Variants in SGK3 observed in about 807,000 individuals in gnomAD.
SGK3 encodes serum/glucocorticoid regulated kinase family member 3.
A neutral mutation model predicts 68.5 loss-of-function variants in SGK3; 47 were observed. That is an observed-to-expected ratio of 0.69 (90% CI 0.54 to 0.87). The LOEUF is 0.87. Ranked by LOEUF, SGK3 falls within the 40% of genes least tolerant of loss-of-function variation. The pLI is 0.00. For synonymous variants in SGK3, 181 were observed against 189.1 expected (o/e 0.96, Z 0.35); for missense variants, 479 against 575.5 (o/e 0.83, Z 1.72).
chr8:66,777,747 G>C (rs1413262307), intron 1 of SGK3, among the ~76,000 whole-genome samples: 1 of 152,070 alleles, frequency 6.6e-6, no homozygotes, highest in African/African-American at 2.4e-5. Context: ...CTGACATTCA[G>C]AATTCCCTAC....
At chr8:66,781,413 A>G (rs913868334) in intron 1 of SGK3, among the ~76,000 whole-genome samples, 1 of 152,148 alleles carries the variant, frequency 6.6e-6, no homozygotes, top group Non-Finnish European at 1.5e-5. Context: ...CATTGGTGCA[A>G]TCATAGCTCA....
Position 66,729,178 on chromosome 8 carries a change from C to T in SGK3, c.-122+16345C>T, listed in dbSNP as rs1489441249. Among the ~76,000 whole-genome samples the T allele has an allele frequency of 4.1e-5, 6 of 147,152 alleles. No individual in the cohort carries two copies. In the East Asian group the frequency reaches 8.0e-4, roughly 20 times the overall value. ...AGCTTGCAGTGAGCCGAGATCGCGC[C>T]TCTGCACTCCTCTCACGCCTGTAAT... On this transcript the variant is annotated intron_variant, in intron 1 of 16. Transcript: ENST00000521198.
At chr8:66,717,228 C>CA (rs201545769) in intron 1 of SGK3, among the ~76,000 whole-genome samples, 2,289 of 109,966 alleles carry the variant, frequency 0.021, 80 homozygotes, top group African/African-American at 0.068. Context: ...ACAAAAAAAA[C>CA]AAAAAAAACA....
At chr8:66,764,754 T>G (rs1806268126) in intron 1 of SGK3, among the ~76,000 whole-genome samples, 1 of 152,174 alleles carries the variant, frequency 6.6e-6, no homozygotes, top group African/African-American at 2.4e-5. Context: ...TGGAGCTAAG[T>G]GTCTGTAACA....
chr8:66,746,587 T>A (rs1805661385), intron 1 of SGK3, among the ~76,000 whole-genome samples: 1 of 151,930 alleles, frequency 6.6e-6, no homozygotes, highest in South Asian at 2.1e-4. Flanking sequence ...AAAATCTCAT[T>A]CTGTCACCCA....
At chr8:66,809,052 A>G (rs1182580943) in intron 4 of SGK3, among the ~76,000 whole-genome samples, 4 of 151,538 alleles carry the variant, frequency 2.6e-5, no homozygotes, top group Admixed American at 2.6e-4. Context: ...TATTTTTAGT[A>G]GAGACAGGGT....
intron 10 of SGK3, among the ~76,000 whole-genome samples, chr8:66,837,384 T>C (rs1809580161): frequency 6.6e-6 from 1 of 152,182 alleles, no homozygotes; most frequent in Non-Finnish European, 1.5e-5. Flanking sequence ...TAAGGAAAAT[T>C]AGTTAATATT....
At position 66,784,589 on chromosome 8, in the gene SGK3, T is replaced by C. The variant is rs543797377; in HGVS notation, c.-121-9027T>C. Reference sequence around the variant, plus strand: ...CAGAAGAATCTTTTGACTTTTTTTATATAAAAAAATTTTTTTTGACTGCCC... The same window carrying C: ...CAGAAGAATCTTTTGACTTTTTTTACATAAAAAAATTTTTTTTGACTGCCC... On this transcript the variant is annotated intron_variant, in intron 1 of 16. Transcript: ENST00000521198. 2.0e-5 allele frequency among the ~76,000 whole-genome samples: 3 copies of C among 152,252 alleles called. No homozygotes were observed. The South Asian group carries it at 6.2e-4, about 32-fold the overall frequency.
intron 10 of SGK3, among the ~76,000 whole-genome samples, chr8:66,838,107 C>T (rs996231760): frequency 3.9e-5 from 6 of 152,168 alleles, no homozygotes; most frequent in Admixed American, 3.9e-4. Flanking sequence ...CTCTCTGTCA[C>T]CAGGCTGGAG....
chr8:66,720,256 C>T (rs556067838), intron 1 of SGK3, among the ~76,000 whole-genome samples: 5 of 152,188 alleles, frequency 3.3e-5, no homozygotes, highest in Non-Finnish European at 5.9e-5. Context: ...AGGATGTTCA[C>T]ATGTAATTGA....
chr8:66,723,127 A>ATTT (rs1563595366), intron 1 of SGK3, among the ~76,000 whole-genome samples: 19 of 49,388 alleles, frequency 3.8e-4, no homozygotes, highest in Non-Finnish European at 4.9e-4. Flanking sequence ...ATATATATAT[A>ATTT]TATATTTTTT....
At chr8:66,842,417 T>C (rs970829749) in intron 13 of SGK3, among the ~76,000 whole-genome samples, 1 of 152,150 alleles carries the variant, frequency 6.6e-6, no homozygotes, top group Non-Finnish European at 1.5e-5. Context: ...AGACGGGGTT[T>C]CACCGTGTTA....
intron 1 of SGK3, among the ~76,000 whole-genome samples, chr8:66,725,756 A>G (rs1475964588): frequency 6.6e-6 from 1 of 152,100 alleles, no homozygotes; most frequent in African/African-American, 2.4e-5. Flanking sequence ...AAGATTCATT[A>G]TGAAGCCTTC....
intron 1 of SGK3, among the ~76,000 whole-genome samples, chr8:66,775,927 A>G (rs1477051427): frequency 6.6e-6 from 1 of 152,214 alleles, no homozygotes. Context: ...CCTTAGTTTT[A>G]GCGTATGTAA....
chr8:66,749,308 T>A (rs1805744115), intron 1 of SGK3, among the ~76,000 whole-genome samples: 1 of 152,068 alleles, frequency 6.6e-6, no homozygotes, highest in Non-Finnish European at 1.5e-5. Flanking sequence ...GGCCCGGAGT[T>A]CGAGACCAGC....
intron 1 of SGK3, among the ~76,000 whole-genome samples, chr8:66,744,516 TATA>T (rs1238878951): frequency 0.022 from 474 of 21,928 alleles, 8 homozygotes; most frequent in East Asian, 0.027. Flanking sequence ...TATATATATA[TATA>T]TTTTTTTTTT....
chr8:66,714,517 C>T (rs1245286499), intron 1 of SGK3, among the ~76,000 whole-genome samples: 2 of 152,148 alleles, frequency 1.3e-5, no homozygotes, highest in East Asian at 1.9e-4. Context: ...CCTCCCTTAT[C>T]TCTCTCTCAT....
intron 1 of SGK3, among the ~76,000 whole-genome samples, chr8:66,749,045 C>T (rs932291635): frequency 1.3e-5 from 2 of 152,108 alleles, no homozygotes; most frequent in African/African-American, 4.8e-5. Flanking sequence ...TACAGGCGTG[C>T]ATCACCACGC....
intron 1 of SGK3, among the ~76,000 whole-genome samples, chr8:66,725,420 T>G: frequency 6.7e-6 from 1 of 149,462 alleles, no homozygotes. Context: ...AAAAAGACAG[T>G]GTTTATCTCT....
Sources: gnomAD v4.1 joint callset for allele counts (sites outside exome capture counted in the v4.1 genomes callset) on GRCh38, gnomAD v4.1.1 for gene constraint, MANE v1.5 for transcripts, NCBI Gene and HGNC (gene_info 2026-07-23, HGNC 2026-07-21) for gene names.